Variants in CYB5R4 observed in about 807,000 individuals in gnomAD.
CYB5R4 encodes N-terminal cytochrome b5 and cytochrome b5 oxidoreductase domain-containing protein.
In CYB5R4, 55 loss-of-function variants were observed where a neutral mutation model predicts 70.2. The ratio of observed to expected loss-of-function variants is 0.78; its 90% confidence interval spans 0.63 to 0.98. CYB5R4 has a LOEUF of 0.98. Ranked by LOEUF, CYB5R4 falls within the 50% of genes least tolerant of loss-of-function variation. CYB5R4 has a pLI of 0.00. For synonymous variants in CYB5R4, 197 were observed against 199.5 expected (o/e 0.99, Z 0.11); for missense variants, 562 against 612.6 (o/e 0.92, Z 0.87).
chr6:83,920,936 G>A (rs955788978), intron 7 of CYB5R4, 146 bp from the exon 8 acceptor site: 7 of 546,646 alleles, frequency 1.3e-5, no homozygotes, highest in Non-Finnish European at 1.2e-5. Context: ...GGTTGTAAGA[G>A]AAAAACAGAA....
At chr6:83,880,579 C>G (rs1301759344) in intron 2 of CYB5R4, among the ~76,000 whole-genome samples, 2 of 151,942 alleles carry the variant, frequency 1.3e-5, no homozygotes, top group Admixed American at 6.6e-5. Context: ...CTAATGACTT[C>G]TAGTCTCCCT....
chr6:83,953,310 T>G (rs997537916), intron 14 of CYB5R4, among the ~76,000 whole-genome samples: 1 of 152,024 alleles, frequency 6.6e-6, no homozygotes, highest in African/African-American at 2.4e-5. Flanking sequence ...GGCATACTAG[T>G]GTTTCATTAG....
At chr6:83,879,173 T>A (rs899880472) in intron 2 of CYB5R4, among the ~76,000 whole-genome samples, 4 of 152,016 alleles carry the variant, frequency 2.6e-5, no homozygotes, top group Non-Finnish European at 4.4e-5. Flanking sequence ...TGCATCGTAC[T>A]CAATGCAGCA....
At chr6:83,904,339 G>A (rs2099463433) in intron 3 of CYB5R4, among the ~76,000 whole-genome samples, 1 of 152,056 alleles carries the variant, frequency 6.6e-6, no homozygotes, top group Non-Finnish European at 1.5e-5. Context: ...CCATGTATTT[G>A]TATGGTTTTG....
chr6:83,883,593 T>G (rs2099459793), intron 2 of CYB5R4, among the ~76,000 whole-genome samples: 1 of 152,122 alleles, frequency 6.6e-6, no homozygotes, highest in South Asian at 2.1e-4. Context: ...AATAAAGACT[T>G]TTTCAGATAA....
At chr6:83,904,391 A>T (rs1406890046) in intron 3 of CYB5R4, among the ~76,000 whole-genome samples, 1 of 152,144 alleles carries the variant, frequency 6.6e-6, no homozygotes, top group Non-Finnish European at 1.5e-5. Flanking sequence ...GGGGCCTGAA[A>T]ATATACTCAA....
At position 83,967,406 on chromosome 6, in the gene CYB5R4, TA is replaced by T. The variant is rs1483758798; in HGVS notation, c.*7534del. 2.0e-5 allele frequency: 3 copies of T among 152,242 alleles called. No individual in the cohort carries two copies. The highest frequency in any genetic ancestry group is 2.9e-5 in the Non-Finnish European group (2 of 68,042). 9.4% of individuals were successfully genotyped at this position (152,242 alleles called of 1,614,324 possible). A position where few individuals can be genotyped will look rare whatever the true frequency, so the allele number is the denominator to read the frequency against. On this transcript the variant is annotated 3_prime_UTR_variant, in exon 16 of 16. Transcript: ENST00000369681. ...GATGTGAAATAATGCAAACGCATAA[TA>T]AAAAATGTCATCTGGTCTCCAGTCT...
At chr6:83,914,537 T>G (rs967099740) in intron 5 of CYB5R4, 89 bp downstream of exon 5, 2 of 1,162,214 alleles carry the variant, frequency 1.7e-6, no homozygotes, top group African/African-American at 3.2e-5. Context: ...ATTTAAATTT[T>G]TTTCTTTTTT....
intron 3 of CYB5R4, among the ~76,000 whole-genome samples, chr6:83,898,561 G>A (rs1316368436): frequency 1.3e-5 from 2 of 152,134 alleles, no homozygotes; most frequent in African/African-American, 4.8e-5. Context: ...GGGCAGTATG[G>A]CCATTTTCAC....
At chr6:83,940,685 G>T (rs2099469608) in intron 14 of CYB5R4, 84 bp downstream of exon 14, 1 of 1,443,790 alleles carries the variant, frequency 6.9e-7, no homozygotes, top group Non-Finnish European at 9.2e-7. Flanking sequence ...TTGAAGCTTT[G>T]ATTGTCCAGG....
At chr6:83,897,625 G>T (rs9449720) in intron 3 of CYB5R4, among the ~76,000 whole-genome samples, 6,213 of 152,180 alleles carry the variant, frequency 0.041, 437 homozygotes, top group African/African-American at 0.14. Flanking sequence ...GTGGTTTTGA[G>T]TTGCATTTCT....
intron 15 of CYB5R4, among the ~76,000 whole-genome samples, chr6:83,955,957 A>G (rs576122319): frequency 2.8e-4 from 42 of 152,346 alleles, no homozygotes; most frequent in African/African-American, 9.4e-4. Context: ...AGCATGGATC[A>G]TGAAAAATCA....
rs1562843453 is a variant in CYB5R4 at position 83,936,332 on chromosome 6, A to G, written c.1064A>G (p.Tyr355Cys). ...NKYIYFLIKI[Y>C]PTGLFTPELD... ...TACATCTACTTTTTGATAAAAATCT[A>G]TCCCACTGGACTCTTCACACCAGAG... The change falls in exon 12 of 16, where the codon TAT becomes TGT. Residue 355 changes from tyrosine (Y) to cysteine (C), a missense_variant. Transcript: ENST00000369681. 5 of 1,612,508 alleles carry G rather than the reference A, an allele frequency of 3.1e-6. No individual in the cohort carries two copies. The highest frequency in any genetic ancestry group is 4.5e-5 in the East Asian group (2 of 44,808).
At chr6:83,874,082 A>G (rs1429541248) in intron 2 of CYB5R4, among the ~76,000 whole-genome samples, 1 of 148,894 alleles carries the variant, frequency 6.7e-6, no homozygotes, top group East Asian at 2.1e-4. Context: ...CACTTCTTTC[A>G]AAGACTTCCT....
intron 12 of CYB5R4, among the ~76,000 whole-genome samples, chr6:83,938,904 G>T (rs982772350): frequency 2.6e-5 from 4 of 151,266 alleles, no homozygotes; most frequent in African/African-American, 9.7e-5. Context: ...TCGCAATCTC[G>T]GCTCACTGCA....
chr6:83,957,394 G>T (rs887509433), intron 15 of CYB5R4, among the ~76,000 whole-genome samples: 1 of 152,004 alleles, frequency 6.6e-6, no homozygotes, highest in Non-Finnish European at 1.5e-5. Flanking sequence ...GCCAAGGCAG[G>T]TGGATCACCT....
At chr6:83,904,116 T>C (rs890755006) in intron 3 of CYB5R4, among the ~76,000 whole-genome samples, 1 of 152,160 alleles carries the variant, frequency 6.6e-6, no homozygotes, top group Non-Finnish European at 1.5e-5. Context: ...TCTAGTTCCT[T>C]GAGGTACATT....
chr6:83,864,972 A>G (rs1174202044), intron 2 of CYB5R4, among the ~76,000 whole-genome samples: 1 of 152,208 alleles, frequency 6.6e-6, no homozygotes. Context: ...AATGAAAGGC[A>G]TCCAACTATA....
chr6:83,878,053 T>A (rs1366214105), intron 2 of CYB5R4, among the ~76,000 whole-genome samples: 1 of 152,228 alleles, frequency 6.6e-6, no homozygotes, highest in Non-Finnish European at 1.5e-5. Context: ...TTGCTCTTTC[T>A]TTAAGTTTGC....
Sources: allele counts gnomAD v4.1 joint callset (sites outside exome capture counted in the v4.1 genomes callset), GRCh38; gene constraint gnomAD v4.1.1; transcripts MANE v1.5; gene names NCBI Gene and HGNC (gene_info 2026-07-23, HGNC 2026-07-21).